The following CPEB3 variants were observed in gnomAD, a reference collection of about 807,000 sequenced individuals.
The protein encoded by CPEB3 is cytoplasmic polyadenylation element-binding protein 3.
Under a neutral mutation model 67.2 loss-of-function variants are expected in CPEB3, and 20 were observed. That is an observed-to-expected ratio of 0.30 (90% CI 0.21 to 0.43). The LOEUF is 0.43. Among genes scored for constraint, CPEB3 ranks in the 20% least tolerant of loss-of-function variants. CPEB3 has a pLI of 1.00. For synonymous variants in CPEB3, 376 were observed against 393.1 expected, an observed-to-expected ratio of 0.96 and a Z score of 0.51; for missense variants, 746 against 968.6, an observed-to-expected ratio of 0.77 and a Z score of 3.05.
At chr10:92,166,863 C>G (rs189480136) in intron 4 of CPEB3, among the ~76,000 whole-genome samples, 1 of 152,334 alleles carries the variant, frequency 6.6e-6, no homozygotes, top group Non-Finnish European at 1.5e-5. Flanking sequence ...GCATCTTCTT[C>G]CAATAGATGG....
intron 1 of CPEB3, among the ~76,000 whole-genome samples, chr10:92,261,810 T>C (rs1852813419): frequency 6.6e-6 from 1 of 152,180 alleles, no homozygotes; most frequent in Non-Finnish European, 1.5e-5. Flanking sequence ...AGGATGACTG[T>C]TGGGATCCCC....
intron 6 of CPEB3, among the ~76,000 whole-genome samples, chr10:92,121,822 C>A (rs1335627237): frequency 6.6e-6 from 1 of 152,162 alleles, no homozygotes; most frequent in East Asian, 1.9e-4. Flanking sequence ...TCTCCTCTCA[C>A]AAAATCAAGC....
chr10:92,216,371 C>A, intron 2 of CPEB3: 1 of 1,611,644 alleles, frequency 6.2e-7, no homozygotes, highest in Non-Finnish European at 8.5e-7. Flanking sequence ...GCCCGAGGCT[C>A]AGGCGGAGGT....
At chr10:92,201,537 C>G (rs902240296) in intron 2 of CPEB3, among the ~76,000 whole-genome samples, 2 of 152,028 alleles carry the variant, frequency 1.3e-5, no homozygotes, top group Non-Finnish European at 2.9e-5. Flanking sequence ...CAGAAACAAA[C>G]AAACAAACAA....
intron 1 of CPEB3, among the ~76,000 whole-genome samples, chr10:92,262,609 G>C (rs991984884): frequency 1.3e-5 from 2 of 152,130 alleles, no homozygotes; most frequent in African/African-American, 4.8e-5. Context: ...CACTTTGGGA[G>C]GCTGAGGGGG....
intron 2 of CPEB3, among the ~76,000 whole-genome samples, chr10:92,193,756 A>C (rs1470205910): frequency 1.3e-5 from 2 of 151,944 alleles, no homozygotes; most frequent in African/African-American, 4.8e-5. Flanking sequence ...GGGTGACTAT[A>C]ATTTCAATGA....
rs753429132 is a variant in CPEB3, at chr10:92,143,029, C to G, written c.1453G>C (p.Gly485Arg). ...AESKSYFPPK[G>R]YAFLLFQEES... ...AGTGGAAACATTTTAAGAGCATTACCTTTAGGAGGAAAATAAGACTTGCTT... is the reference window on the plus strand; with the variant it reads ...AGTGGAAACATTTTAAGAGCATTACGTTTAGGAGGAAAATAAGACTTGCTT... Residue 485 changes from glycine to arginine, a missense_variant and splice_region_variant, in exon 6 of 10, where the codon GGC becomes CGC. Coordinates refer to ENST00000265997, the MANE Select transcript of CPEB3 (RefSeq NM_014912.5). 6.2e-7 allele frequency: 1 copy of G among 1,610,092 alleles called. No homozygotes were observed. Among genetic ancestry groups the G allele is most frequent in the Non-Finnish European group, 8.5e-7 (1 of 1,176,798 alleles).
intron 4 of CPEB3, among the ~76,000 whole-genome samples, chr10:92,161,696 C>A (rs1847489858): frequency 6.6e-6 from 1 of 152,074 alleles, no homozygotes. Flanking sequence ...AAATACTTCA[C>A]ATGTATCGCC....
At position 92,176,571 on chromosome 10, in the gene CPEB3, C is replaced by T. The variant is rs184726566; in HGVS notation, c.1222+4392G>A. On this transcript the variant is annotated intron_variant, in intron 4 of 9. Coordinates refer to ENST00000265997, the MANE Select transcript of CPEB3 (RefSeq NM_014912.5). ...TACTATTCCTTAAGAAACACTATTCCCAGTTTCTGCTTTTGTACCTATCAA... is the reference window on the plus strand; with the variant it reads ...TACTATTCCTTAAGAAACACTATTCTCAGTTTCTGCTTTTGTACCTATCAA... 5.5e-4 allele frequency among the ~76,000 whole-genome samples: 84 copies of T among 152,340 alleles called. No individual in the cohort carries two copies. The Middle Eastern group carries it at 0.01, about 19-fold the overall frequency.
intron 4 of CPEB3, among the ~76,000 whole-genome samples, chr10:92,160,992 C>T (rs748638690): frequency 2.0e-5 from 3 of 152,086 alleles, no homozygotes; most frequent in South Asian, 2.1e-4. Flanking sequence ...TGGGCTCAAG[C>T]GATTCTCCCA....
At position 92,048,427 on chromosome 10, in the gene CPEB3, A is replaced by AG. The variant is rs1852176228; in HGVS notation, c.*3784dup. The AG allele has an allele frequency of 6.8e-6, 1 of 146,100 alleles. No individual in the cohort carries two copies. Among genetic ancestry groups the AG allele is most frequent in the Middle Eastern group, 3.2e-3 (1 of 314 alleles). 9.1% of individuals were successfully genotyped at this position (146,100 alleles called of 1,614,324 possible). A position where few individuals can be genotyped will look rare whatever the true frequency, so the allele number is the denominator to read the frequency against. On this transcript the variant is annotated 3_prime_UTR_variant, in exon 10 of 10. Transcript: ENST00000265997. This position sits in a 1 kb window ranked among gnomAD's most constrained non-coding sequence, Gnocchi z 4.1. ...CACACACGACATAATGACGAGTTAG[A>AG]GGGGAAAAAGCAATGAAACATTCTG...
At chr10:92,259,420 G>C (rs1211117121) in intron 1 of CPEB3, among the ~76,000 whole-genome samples, 1 of 151,838 alleles carries the variant, frequency 6.6e-6, no homozygotes, top group East Asian at 2.0e-4. Flanking sequence ...TGACCAACAT[G>C]GAGAAATCCC....
At chr10:92,062,242 C>G (rs894408741) in intron 9 of CPEB3, among the ~76,000 whole-genome samples, 5 of 25,628 alleles carry the variant, frequency 2.0e-4, no homozygotes, top group African/African-American at 6.9e-4. Flanking sequence ...GAGACCCTGT[C>G]TCAAAAAAAA....
chr10:92,165,481 C>A (rs1847696691), intron 4 of CPEB3, among the ~76,000 whole-genome samples: 1 of 129,882 alleles, frequency 7.7e-6, no homozygotes, highest in African/African-American at 3.0e-5. Flanking sequence ...GTGGTGGTTG[C>A]TGAAGGTTGG....
At chr10:92,172,392 T>C (rs558791764) in intron 4 of CPEB3, among the ~76,000 whole-genome samples, 5 of 152,322 alleles carry the variant, frequency 3.3e-5, no homozygotes, top group Admixed American at 1.3e-4. Flanking sequence ...CCTGCTGCTA[T>C]TGAAGGAGAC....
At chr10:92,258,907 C>T (rs1230543881) in intron 1 of CPEB3, among the ~76,000 whole-genome samples, 2 of 151,272 alleles carry the variant, frequency 1.3e-5, no homozygotes, top group East Asian at 4.0e-4. Flanking sequence ...ATTCGCCTGC[C>T]TCAGCCTCCC....
At position 92,051,476 on chromosome 10, in the gene CPEB3, G is replaced by A. The variant is rs1174852973; in HGVS notation, c.*736C>T. 3.3e-5 allele frequency: 5 copies of A among 152,444 alleles called. No homozygotes were observed. Among genetic ancestry groups the A allele is most frequent in the African/African-American group, 9.7e-5 (4 of 41,400 alleles). 9.4% of individuals were successfully genotyped at this position (152,444 alleles called of 1,614,324 possible). A position where few individuals can be genotyped will look rare whatever the true frequency, so the allele number is the denominator to read the frequency against. Reference sequence around the variant, plus strand: ...GTTTTTGTGTTTAATTGATATCCTAGCCTGAATAGAGTATTATGGTATTAA... The same window carrying A: ...GTTTTTGTGTTTAATTGATATCCTAACCTGAATAGAGTATTATGGTATTAA... On this transcript the variant is annotated 3_prime_UTR_variant, in exon 10 of 10. Transcript: ENST00000265997.
At chr10:92,103,137 T>C (rs1156989090) in intron 7 of CPEB3, among the ~76,000 whole-genome samples, 1 of 152,118 alleles carries the variant, frequency 6.6e-6, no homozygotes, top group Non-Finnish European at 1.5e-5. Context: ...CTTCCAGGGG[T>C]AGGAAAATAG....
chr10:92,149,570 T>C (rs1046835721), intron 4 of CPEB3, among the ~76,000 whole-genome samples: 10 of 152,284 alleles, frequency 6.6e-5, no homozygotes, highest in African/African-American at 1.4e-4. Context: ...TTGTAAAAAT[T>C]TGGACAGTTT....
Sources: gnomAD v4.1 joint callset for allele counts (sites outside exome capture counted in the v4.1 genomes callset) on GRCh38, gnomAD v4.1.1 for gene constraint, Gnocchi (gnomAD v3.1) non-coding constraint, MANE v1.5 for transcripts, NCBI Gene and HGNC (gene_info 2026-07-23, HGNC 2026-07-21) for gene names.